Variants in USP32 observed in about 807,000 individuals in gnomAD.
The protein encoded by USP32 is ubiquitin carboxyl-terminal hydrolase 32.
Under a neutral mutation model 204.8 loss-of-function variants are expected in USP32, and 59 were observed. That is an observed-to-expected ratio of 0.29 (90% CI 0.23 to 0.36). USP32 has a LOEUF of 0.36. Ranked by LOEUF, USP32 falls within the 10% of genes least tolerant of loss-of-function variation. The probability of loss-of-function intolerance (pLI) is 1.00; values close to 1 mark genes in which losing one functional copy is unlikely to be tolerated. For missense variants in USP32, 1,160 were observed against 1,946.4 expected (o/e 0.60, Z 7.60); for synonymous variants, 517 against 678.4 (o/e 0.76, Z 3.70).
At chr17:60,221,238 T>G (rs1407642850) in intron 15 of USP32, among the ~76,000 whole-genome samples, 1 of 152,146 alleles carries the variant, frequency 6.6e-6, no homozygotes, top group East Asian at 1.9e-4. Context: ...TTAAAAAAAT[T>G]TAAAAATTAG....
intron 3 of USP32, among the ~76,000 whole-genome samples, chr17:60,299,961 A>C (rs2087532318): frequency 6.6e-6 from 1 of 152,128 alleles, no homozygotes; most frequent in Non-Finnish European, 1.5e-5. Context: ...TCTCACTCAT[A>C]AGATACTTAT....
At chr17:60,225,086 T>A (rs2085349443) in intron 13 of USP32, among the ~76,000 whole-genome samples, 1 of 152,234 alleles carries the variant, frequency 6.6e-6, no homozygotes, top group Non-Finnish European at 1.5e-5. Context: ...TGGAGATGAC[T>A]ATCTTTGAAA....
chr17:60,388,640 G>C (rs1217779292), intron 1 of USP32, among the ~76,000 whole-genome samples: 2 of 152,100 alleles, frequency 1.3e-5, no homozygotes, highest in Admixed American at 1.3e-4. Context: ...ATATAAACAA[G>C]AGTCAAGGCT....
intron 2 of USP32, among the ~76,000 whole-genome samples, chr17:60,308,720 G>A (rs1304430519): frequency 1.3e-5 from 2 of 152,182 alleles, no homozygotes; most frequent in South Asian, 4.1e-4. Flanking sequence ...TTGAGGTCAG[G>A]AGTTCAAGAC....
intron 12 of USP32, among the ~76,000 whole-genome samples, chr17:60,232,664 A>G (rs2145620406): frequency 6.6e-6 from 1 of 150,488 alleles, no homozygotes; most frequent in South Asian, 2.1e-4. Context: ...CTTGTGTCTC[A>G]GCCTCCTGAG....
At chr17:60,314,209 T>G (rs1156254969) in intron 2 of USP32, among the ~76,000 whole-genome samples, 2 of 146,274 alleles carry the variant, frequency 1.4e-5, no homozygotes. Flanking sequence ...GGCATTGATC[T>G]TGGCTCACTG....
chr17:60,296,370 T>G (rs1323615949), intron 3 of USP32, among the ~76,000 whole-genome samples: 1 of 152,068 alleles, frequency 6.6e-6, no homozygotes, highest in African/African-American at 2.4e-5. Flanking sequence ...GGTGCCCTTA[T>G]AAGAAGAAAA....
chr17:60,214,909 A>T (rs1184120317), intron 16 of USP32, 135 bp from the exon 17 acceptor site: 3 of 1,498,488 alleles, frequency 2.0e-6, no homozygotes, highest in Non-Finnish European at 2.7e-6. Context: ...TTTATAAATG[A>T]AGAGTACCAA....
chr17:60,296,911 G>A (rs2087443860), intron 3 of USP32, among the ~76,000 whole-genome samples: 1 of 152,140 alleles, frequency 6.6e-6, no homozygotes, highest in South Asian at 2.1e-4. Flanking sequence ...AACAGATACT[G>A]GTCATGAGGG....
intron 19 of USP32, 113 bp from the exon 20 acceptor site, chr17:60,211,627 G>A: frequency 6.9e-7 from 1 of 1,448,216 alleles, no homozygotes; most frequent in Non-Finnish European, 9.2e-7. Flanking sequence ...CAGCTAAATG[G>A]TGCTAATAAT....
At chr17:60,192,617 T>C (rs1250439554) in intron 28 of USP32, among the ~76,000 whole-genome samples, 2 of 152,086 alleles carry the variant, frequency 1.3e-5, no homozygotes, top group Non-Finnish European at 2.9e-5. Flanking sequence ...GTATGTTTAG[T>C]AGAGACGAGG....
intron 2 of USP32, among the ~76,000 whole-genome samples, chr17:60,329,482 T>A (rs1168427815): frequency 6.8e-6 from 1 of 147,412 alleles, no homozygotes; most frequent in Non-Finnish European, 1.5e-5. Flanking sequence ...TTTTATTTAT[T>A]TTTTTTTTTT....
intron 2 of USP32, among the ~76,000 whole-genome samples, chr17:60,331,500 A>G (rs1024034122): frequency 4.0e-5 from 6 of 150,784 alleles, no homozygotes; most frequent in Non-Finnish European, 8.8e-5. Context: ...GGGGAGGTCA[A>G]TGCTGCAGTG....
intron 29 of USP32, among the ~76,000 whole-genome samples, chr17:60,187,781 T>C (rs1213674944): frequency 6.6e-6 from 1 of 152,218 alleles, no homozygotes; most frequent in Admixed American, 6.5e-5. Context: ...TCCCTTTACC[T>C]CTTGGGATCT....
At chr17:60,202,321 T>C (rs891547934) in intron 26 of USP32, among the ~76,000 whole-genome samples, 1 of 152,198 alleles carries the variant, frequency 6.6e-6, no homozygotes, top group African/African-American at 2.4e-5. Flanking sequence ...CTTTGTGAAA[T>C]AAATCTTGAT....
intron 26 of USP32, among the ~76,000 whole-genome samples, chr17:60,203,469 A>C (rs2084739832): frequency 6.6e-6 from 1 of 150,692 alleles, no homozygotes; most frequent in Middle Eastern, 3.5e-3. Context: ...GTAATTTGTT[A>C]TAACAGTCCT....
chr17:60,180,713 C>T, intron 32 of USP32, 76 bp from the exon 33 acceptor site: 1 of 1,359,600 alleles, frequency 7.4e-7, no homozygotes, highest in Non-Finnish European at 1.0e-6. Flanking sequence ...AGGATCTGAG[C>T]AGGAGAACAC....
At position 60,296,047 on chromosome 17, in the gene USP32, C is replaced by A. The variant is rs557467766; in HGVS notation, c.293-1246G>T. On this transcript the variant is annotated intron_variant, in intron 3 of 33. Transcript: ENST00000300896. ...ATCACCAAATTCATGAAAGTGGTAA[C>A]CTCTGTAGAGGGAAGAACAGAATGG... is the stretch of plus-strand genomic sequence containing the variant. 7.2e-5 allele frequency among the ~76,000 whole-genome samples: 11 copies of A among 152,186 alleles called. No individual in the cohort carries two copies. The South Asian group carries it at 1.7e-3, about 23-fold the overall frequency.
chr17:60,237,112 C>CTCTA (rs35524070), intron 11 of USP32, among the ~76,000 whole-genome samples: 6,383 of 138,170 alleles, frequency 0.046, 164 homozygotes, highest in East Asian at 0.063. Flanking sequence ...AAAAAATCTA[C>CTCTA]TCTATCTATC....
Sources: gnomAD v4.1 joint callset for allele counts (sites outside exome capture counted in the v4.1 genomes callset) on GRCh38, gnomAD v4.1.1 for gene constraint, MANE v1.5 for transcripts, NCBI Gene and HGNC (gene_info 2026-07-23, HGNC 2026-07-21) for gene names.